The following SAMD3 variants were observed in gnomAD, a reference collection of about 807,000 sequenced individuals.
SAMD3 encodes the protein sterile alpha motif domain-containing protein 3.
SAMD3 carries 63 observed loss-of-function variants against 58.5 expected under a neutral mutation model. The observed-to-expected ratio is 1.08, with a 90% CI of 0.88 to 1.33. The LOEUF is 1.33. SAMD3 is among the 40% of genes most tolerant of loss of function. The pLI, the probability that SAMD3 is intolerant of heterozygous loss-of-function variation, is 0.00. For missense variants in SAMD3, 604 were observed against 608.4 expected (o/e 0.99, Z 0.08); for synonymous variants, 220 against 210.3 (o/e 1.05, Z -0.40).
chr6:130,306,613 C>T (rs1381584829), intron 2 of SAMD3, among the ~76,000 whole-genome samples: 1 of 152,150 alleles, frequency 6.6e-6, no homozygotes, highest in East Asian at 1.9e-4. Flanking sequence ...TTGTCAGTGC[C>T]TCACATTAGC....
At chr6:130,223,673 C>G (rs1485063334), upstream of SAMD3, among the ~76,000 whole-genome samples, 2 of 152,080 alleles carry the variant, frequency 1.3e-5, no homozygotes, top group Non-Finnish European at 2.9e-5. Flanking sequence ...TTGGAAACAC[C>G]CTTGCAGGGC....
At chr6:130,363,853 A>G (rs1023828496) in intron 1 of SAMD3, among the ~76,000 whole-genome samples, 12 of 152,236 alleles carry the variant, frequency 7.9e-5, no homozygotes, top group Non-Finnish European at 1.8e-4. Flanking sequence ...AGAAGTAGAA[A>G]ATAGTTGACT....
chr6:130,238,725 C>T (rs1296221838), intron 2 of SAMD3, among the ~76,000 whole-genome samples: 1 of 152,042 alleles, frequency 6.6e-6, no homozygotes, highest in Non-Finnish European at 1.5e-5. Flanking sequence ...ATGGAGAAGA[C>T]AAGGTAGATG....
chr6:130,269,002 T>C (rs1387453461), intron 2 of SAMD3, among the ~76,000 whole-genome samples: 1 of 152,226 alleles, frequency 6.6e-6, no homozygotes, highest in Non-Finnish European at 1.5e-5. Flanking sequence ...TTATGGATTA[T>C]GCTTTTGATG....
chr6:130,228,675 T>C (rs1796454376), intron 2 of SAMD3, among the ~76,000 whole-genome samples: 1 of 152,212 alleles, frequency 6.6e-6, no homozygotes, highest in Non-Finnish European at 1.5e-5. Flanking sequence ...CAAGGAAAGA[T>C]GTTTTCACGC....
intron 7 of SAMD3, among the ~76,000 whole-genome samples, chr6:130,178,382 G>A (rs796384329): frequency 0.058 from 8,251 of 141,866 alleles, 749 homozygotes; most frequent in African/African-American, 0.2. Flanking sequence ...GCGGGGAAGG[G>A]AAAAAAAAAA....
chr6:130,297,647 A>T (rs1355488387), intron 2 of SAMD3, among the ~76,000 whole-genome samples: 2 of 152,228 alleles, frequency 1.3e-5, no homozygotes, highest in Admixed American at 6.5e-5. Context: ...CAGAAAAATG[A>T]TTCAAGATAT....
chr6:130,175,927 T>C lies in SAMD3; in HGVS notation c.736A>G (p.Lys246Glu). ...CCTCTTCGGTGTCCAAATTTACACT[T>C]ATTTCTAATCACTTGCTCATCATCT... is the stretch of plus-strand genomic sequence containing the variant. The part of the protein sequence containing the change: ...IEDDEQVIRN[K>E]CKFGHRRGQT... The change falls in exon 8 of 12, where the codon AAG becomes GAG. Residue 246 changes from lysine (K) to glutamate (E), a missense_variant. Coordinates refer to ENST00000439090, the MANE Select transcript of SAMD3 (RefSeq NM_001017373.4). 6.2e-7 allele frequency: 1 copy of C among 1,613,276 alleles called. No individual in the cohort carries two copies. Among genetic ancestry groups the C allele is most frequent in the Middle Eastern group, 1.7e-4 (1 of 6,056 alleles).
chr6:130,150,789 A>G (rs891992381), intron 9 of SAMD3, among the ~76,000 whole-genome samples: 10 of 150,234 alleles, frequency 6.7e-5, no homozygotes, highest in African/African-American at 2.5e-4. Flanking sequence ...TCGGCTCACT[A>G]TAGCCTCTGC....
At chr6:130,203,583 C>T (rs1375542412) in intron 5 of SAMD3, among the ~76,000 whole-genome samples, 2 of 152,222 alleles carry the variant, frequency 1.3e-5, no homozygotes, top group African/African-American at 2.4e-5. Flanking sequence ...TCCTACAAGG[C>T]TCTTTCATTA....
intron 1 of SAMD3, among the ~76,000 whole-genome samples, chr6:130,343,383 G>A (rs1455862556): frequency 2.6e-5 from 4 of 152,082 alleles, no homozygotes; most frequent in African/African-American, 7.2e-5. Context: ...ACTGATGCAT[G>A]GGTGAGAAAT....
rs1241989172 is a variant in SAMD3 at position 130,268,886 on chromosome 6, A to G, written c.-188+44092T>C. Among the ~76,000 whole-genome samples, 11 of 152,186 alleles carry G rather than the reference A, an allele frequency of 7.2e-5. 1 individual carries two copies. The highest frequency in any genetic ancestry group is 2.9e-5 in the Non-Finnish European group (2 of 68,020). ...CTTTGTCAGATATGTGATTTTCCCA[A>G]TATTTCTACTACACTGTAACTTGCC... On this transcript the variant is annotated intron_variant, in intron 2 of 13. Transcript: ENST00000368134.
intron 2 of SAMD3, among the ~76,000 whole-genome samples, chr6:130,266,650 A>C (rs573843066): frequency 6.6e-6 from 1 of 152,330 alleles, no homozygotes; most frequent in South Asian, 2.1e-4. Context: ...GGGACTGGAC[A>C]GCCCCCACTG....
At chr6:130,361,242 G>A (rs1455784267) in intron 1 of SAMD3, among the ~76,000 whole-genome samples, 1 of 152,118 alleles carries the variant, frequency 6.6e-6, no homozygotes, top group Non-Finnish European at 1.5e-5. Flanking sequence ...AGTAAAGACA[G>A]GCATAAGAAA....
intron 8 of SAMD3, chr6:130,162,033 G>A: frequency 2.2e-6 from 1 of 454,498 alleles, no homozygotes; most frequent in Admixed American, 4.0e-5. Flanking sequence ...CTGAAGGGAA[G>A]TGTAGGACTC....
At chr6:130,201,253 G>T (rs1794628982) in intron 5 of SAMD3, among the ~76,000 whole-genome samples, 1 of 151,988 alleles carries the variant, frequency 6.6e-6, no homozygotes, top group African/African-American at 2.4e-5. Flanking sequence ...TCAAATCACT[G>T]AATCTCTTTG....
At chr6:130,248,970 G>A (rs2024974) in intron 2 of SAMD3, among the ~76,000 whole-genome samples, 74,711 of 152,022 alleles carry the variant, frequency 0.49, 22,321 homozygotes, top group African/African-American at 0.85. Flanking sequence ...CTCACCGAGC[G>A]TCTGGTATGG....
chr6:130,300,526 G>A (rs1775710748), intron 2 of SAMD3, among the ~76,000 whole-genome samples: 1 of 148,108 alleles, frequency 6.8e-6, no homozygotes, highest in Non-Finnish European at 1.5e-5. Flanking sequence ...GATATTCAAT[G>A]GGCAAAAGCT....
chr6:130,258,181 GATATAA>G (rs1773989621), intron 2 of SAMD3, among the ~76,000 whole-genome samples: 1 of 152,004 alleles, frequency 6.6e-6, no homozygotes, highest in African/African-American at 2.4e-5. Context: ...TATTATGTTT[GATATAA>G]ATATAGTCAT....
Sources: allele counts gnomAD v4.1 joint callset (sites outside exome capture counted in the v4.1 genomes callset), GRCh38; gene constraint gnomAD v4.1.1; transcripts MANE v1.5; gene names NCBI Gene and HGNC (gene_info 2026-07-23, HGNC 2026-07-21).